RIMS2: variants seen among roughly 807,000 people sequenced by gnomAD.
The protein encoded by RIMS2 is regulating synaptic membrane exocytosis 2, also known as regulating synaptic membrane exocytosis protein 2.
RIMS2 carries 59 observed loss-of-function variants against 174.4 expected under a neutral mutation model. The observed-to-expected ratio is 0.34, with a 90% CI of 0.27 to 0.42. The LOEUF (loss-of-function observed/expected upper bound fraction) is 0.42. RIMS2 is among the 10% of genes least tolerant of loss of function. RIMS2 has a pLI of 1.00. For missense variants in RIMS2, 1,620 were observed against 1,666.3 expected (o/e 0.97, Z 0.48); for synonymous variants, 606 against 572.5 (o/e 1.06, Z -0.84).
intron 4 of RIMS2, among the ~76,000 whole-genome samples, chr8:103,909,465 G>A (rs2075208844): frequency 6.6e-6 from 1 of 151,942 alleles, no homozygotes; most frequent in South Asian, 2.1e-4. Flanking sequence ...GAAAAATGTG[G>A]AAAAATTATT....
intron 20 of RIMS2, among the ~76,000 whole-genome samples, chr8:104,247,452 G>C (rs775425580): frequency 2.0e-5 from 3 of 152,066 alleles, no homozygotes; most frequent in Non-Finnish European, 4.4e-5. Flanking sequence ...ATTGGATTAG[G>C]GCACCACGCA....
chr8:103,726,466 A>T (rs1320060790), intron 2 of RIMS2, among the ~76,000 whole-genome samples: 2 of 152,028 alleles, frequency 1.3e-5, no homozygotes, highest in African/African-American at 4.8e-5. Context: ...TATCTCAAGG[A>T]TGCAAGGATA....
At chr8:103,538,743 G>A (rs760612151) in intron 1 of RIMS2, among the ~76,000 whole-genome samples, 7 of 152,096 alleles carry the variant, frequency 4.6e-5, no homozygotes, top group African/African-American at 7.2e-5. Context: ...TCTCAATCCC[G>A]TGATCCACCC....
chr8:103,879,003 G>A (rs2099155087), intron 3 of RIMS2, among the ~76,000 whole-genome samples: 1 of 151,416 alleles, frequency 6.6e-6, no homozygotes, highest in Non-Finnish European at 1.5e-5. Flanking sequence ...TCAAAAATTC[G>A]AATGCATGGG....
rs574830240 is a variant in RIMS2 at position 104,050,194 on chromosome 8, A to C, written c.3334+35579A>C. 3.0e-4 allele frequency among the ~76,000 whole-genome samples: 46 copies of C among 152,286 alleles called. 2 individuals carry two copies. In the South Asian group the frequency reaches 9.5e-3, roughly 32 times the overall value. On this transcript the variant is annotated intron_variant, in intron 19 of 23. Transcript: ENST00000504942. ...TTCTGAAATTCTTATTCTACTATAA[A>C]GATATTTTATATTCCAAAAATTTTA...
chr8:103,500,725 CCT>C (rs1450463770), upstream of RIMS2: 1 of 537,678 alleles, frequency 1.9e-6, no homozygotes, highest in African/African-American at 2.0e-5. Flanking sequence ...CTCCCCTCCC[CCT>C]GCTTTTCTTG....
At chr8:103,644,399 T>A (rs1477275620) in intron 1 of RIMS2, among the ~76,000 whole-genome samples, 2 of 152,062 alleles carry the variant, frequency 1.3e-5, no homozygotes, top group African/African-American at 2.4e-5. Flanking sequence ...ATTTTGAGGA[T>A]GGGAGTGATA....
chr8:104,131,892 T>C (rs916077308), intron 19 of RIMS2, among the ~76,000 whole-genome samples: 1 of 152,166 alleles, frequency 6.6e-6, no homozygotes, highest in Non-Finnish European at 1.5e-5. Flanking sequence ...CATTTAATAA[T>C]ACAAGCACTA....
chr8:103,623,388 T>TATGTA (rs2095683649), intron 1 of RIMS2, among the ~76,000 whole-genome samples: 1 of 151,918 alleles, frequency 6.6e-6, no homozygotes, highest in Admixed American at 6.6e-5. Context: ...ATGATAAAAA[T>TATGTA]ATGTAGTATG....
intron 19 of RIMS2, among the ~76,000 whole-genome samples, chr8:104,233,813 G>A (rs931739322): frequency 1.3e-5 from 2 of 152,272 alleles, no homozygotes; most frequent in African/African-American, 4.8e-5. Flanking sequence ...TCAGCCAAAC[G>A]CCTCATTAGA....
intron 15 of RIMS2, among the ~76,000 whole-genome samples, chr8:103,964,767 T>G (rs1461242006): frequency 6.6e-6 from 1 of 152,190 alleles, no homozygotes; most frequent in Non-Finnish European, 1.5e-5. Flanking sequence ...TGATTTCTCC[T>G]ATGTTATCTT....
At chr8:103,577,816 C>G (rs1276924952) in intron 1 of RIMS2, among the ~76,000 whole-genome samples, 1 of 152,034 alleles carries the variant, frequency 6.6e-6, no homozygotes, top group Admixed American at 6.6e-5. Context: ...CCTGATCTGA[C>G]AAACTCATTA....
chr8:104,087,473 C>T (rs963997544), intron 19 of RIMS2, among the ~76,000 whole-genome samples: 1 of 152,108 alleles, frequency 6.6e-6, no homozygotes, highest in East Asian at 1.9e-4. Flanking sequence ...AGTTGAGGAA[C>T]ATTCGAAGCA....
At chr8:104,053,505 A>T (rs888773144) in intron 19 of RIMS2, among the ~76,000 whole-genome samples, 2 of 152,216 alleles carry the variant, frequency 1.3e-5, no homozygotes, top group African/African-American at 4.8e-5. Flanking sequence ...GTTTTAGAGT[A>T]GTTGAGGAAG....
intron 3 of RIMS2, among the ~76,000 whole-genome samples, chr8:103,881,003 A>G (rs186488036): frequency 6.6e-6 from 1 of 151,594 alleles, no homozygotes; most frequent in East Asian, 1.9e-4. Context: ...AAGATTTTTA[A>G]AAACAAGTAG....
At chr8:104,038,535 T>G (rs139454222) in intron 19 of RIMS2, among the ~76,000 whole-genome samples, 48 of 151,922 alleles carry the variant, frequency 3.2e-4, no homozygotes, top group Non-Finnish European at 5.5e-4. Context: ...CTTCATTAAC[T>G]GCACTAAAAA....
At chr8:103,661,226 T>C (rs1381838311) in intron 1 of RIMS2, among the ~76,000 whole-genome samples, 1 of 152,266 alleles carries the variant, frequency 6.6e-6, no homozygotes, top group Non-Finnish European at 1.5e-5. Flanking sequence ...TTCTCAGTGC[T>C]GTCTGTACTT....
chr8:104,071,260 G>A (rs1250613857), intron 19 of RIMS2, among the ~76,000 whole-genome samples: 2 of 152,032 alleles, frequency 1.3e-5, no homozygotes, highest in East Asian at 3.8e-4. Context: ...ATTTTAAGTT[G>A]GGAAAAAATA....
At chr8:103,865,588 A>G (rs915021367) in intron 3 of RIMS2, among the ~76,000 whole-genome samples, 4 of 152,062 alleles carry the variant, frequency 2.6e-5, no homozygotes, top group African/African-American at 4.8e-5. Flanking sequence ...CCCAGCATCC[A>G]TATCAGTTTT....
Sources: allele counts gnomAD v4.1 joint callset (sites outside exome capture counted in the v4.1 genomes callset), GRCh38; gene constraint gnomAD v4.1.1; transcripts MANE v1.5; gene names NCBI Gene and HGNC (gene_info 2026-07-23, HGNC 2026-07-21).